The following MAP2K5 variants were observed in gnomAD, a reference collection of about 807,000 sequenced individuals.
The protein encoded by MAP2K5 is mitogen-activated protein kinase kinase 5.
In MAP2K5, 49 loss-of-function variants were observed where a neutral mutation model predicts 83.1. That is an observed-to-expected ratio of 0.59 (90% CI 0.47 to 0.75). The LOEUF (loss-of-function observed/expected upper bound fraction) is 0.75. Ranked by LOEUF, MAP2K5 falls within the 30% of genes least tolerant of loss-of-function variation. The pLI, the probability that MAP2K5 is intolerant of heterozygous loss-of-function variation, is 0.00. For missense variants in MAP2K5, 457 were observed against 557.5 expected, an observed-to-expected ratio of 0.82 and a Z score of 1.82; for synonymous variants, 202 against 191.8, an observed-to-expected ratio of 1.05 and a Z score of -0.44.
At chr15:67,656,631 C>T (rs2087087022) in intron 11 of MAP2K5, among the ~76,000 whole-genome samples, 1 of 151,986 alleles carries the variant, frequency 6.6e-6, no homozygotes, top group African/African-American at 2.4e-5. Flanking sequence ...GCCTGGCCAC[C>T]TTTTAAATCT....
At chr15:67,549,082 C>T (rs2084456207) in intron 1 of MAP2K5, 11 of 1,529,624 alleles carry the variant, frequency 7.2e-6, no homozygotes, top group African/African-American at 2.7e-5. Flanking sequence ...CTTTGTCAGC[C>T]GGCTGCCTGG....
chr15:67,546,437 G>C (rs188590136), intron 1 of MAP2K5: 18 of 205,824 alleles, frequency 8.7e-5, no homozygotes, highest in Non-Finnish European at 3.4e-5. Flanking sequence ...TGAGTGTCTC[G>C]GACCTGAAGT....
intron 13 of MAP2K5, among the ~76,000 whole-genome samples, chr15:67,687,754 A>G (rs904936277): frequency 4.6e-5 from 7 of 152,128 alleles, no homozygotes; most frequent in African/African-American, 1.4e-4. Context: ...TCACCTGTTT[A>G]GTAGAGACAC....
At chr15:67,751,799 C>G (rs1473258141) in intron 19 of MAP2K5, among the ~76,000 whole-genome samples, 1 of 152,088 alleles carries the variant, frequency 6.6e-6, no homozygotes, top group Non-Finnish European at 1.5e-5. Flanking sequence ...GTGGGGTTTA[C>G]CTTATTCTTT....
At chr15:67,660,835 C>A (rs938750929) in intron 12 of MAP2K5, among the ~76,000 whole-genome samples, 1 of 148,852 alleles carries the variant, frequency 6.7e-6, no homozygotes, top group East Asian at 2.0e-4. Flanking sequence ...GACACCAGAC[C>A]TCTTGCTTTC....
At chr15:67,554,634 A>G (rs2084587478) in intron 2 of MAP2K5, among the ~76,000 whole-genome samples, 1 of 152,176 alleles carries the variant, frequency 6.6e-6, no homozygotes, top group Non-Finnish European at 1.5e-5. Context: ...CTGCACCTTT[A>G]CTAGAGCAGG....
At chr15:67,611,086 T>G (rs1224176198) in intron 8 of MAP2K5, among the ~76,000 whole-genome samples, 1 of 152,230 alleles carries the variant, frequency 6.6e-6, no homozygotes, top group Non-Finnish European at 1.5e-5. Context: ...ACATACTGAT[T>G]CTATTACGAC....
At chr15:67,761,323 C>T (rs2089945122) in intron 19 of MAP2K5, among the ~76,000 whole-genome samples, 1 of 152,176 alleles carries the variant, frequency 6.6e-6, no homozygotes, top group Non-Finnish European at 1.5e-5. Context: ...TCTCCTTAAA[C>T]CAGCTTTAAA....
intron 16 of MAP2K5, among the ~76,000 whole-genome samples, chr15:67,707,134 C>T (rs2088574388): frequency 1.3e-5 from 2 of 152,164 alleles, no homozygotes; most frequent in Admixed American, 1.3e-4. Context: ...CCAGGATGGC[C>T]TCGATCTCCT....
chr15:67,647,877 T>A (rs529472662), intron 11 of MAP2K5, among the ~76,000 whole-genome samples: 3 of 149,984 alleles, frequency 2.0e-5, no homozygotes, highest in East Asian at 4.0e-4. Context: ...TTAAAAAAAA[T>A]AAAAAAAGGA....
intron 19 of MAP2K5, among the ~76,000 whole-genome samples, chr15:67,751,328 C>T (rs2089713676): frequency 6.6e-6 from 1 of 152,046 alleles, no homozygotes; most frequent in South Asian, 2.1e-4. Flanking sequence ...TGGTGGGTGG[C>T]ATTTCTCTGA....
rs959929255 is a variant in MAP2K5 at position 67,668,543 on chromosome 15, T to G, written c.847+3898T>G. Among the ~76,000 whole-genome samples the G allele has an allele frequency of 6.6e-6, 1 of 152,106 alleles. No homozygotes were observed. Among genetic ancestry groups the G allele is most frequent in the Admixed American group, 6.6e-5 (1 of 15,248 alleles). On this transcript the variant is annotated intron_variant, in intron 13 of 21. Coordinates refer to ENST00000178640, the MANE Select transcript of MAP2K5 (RefSeq NM_145160.3). The surrounding 1 kb of genome is among the most constrained non-coding windows in gnomAD (Gnocchi z 4.0). ...TTACAGGAAACATCGCAGCTTCACTTCAAAACATACATCGCCACTAATGAG... is the reference window on the plus strand; with the variant it reads ...TTACAGGAAACATCGCAGCTTCACTGCAAAACATACATCGCCACTAATGAG...
intron 21 of MAP2K5, among the ~76,000 whole-genome samples, chr15:67,795,161 T>C (rs1789585497): frequency 6.6e-6 from 1 of 152,218 alleles, no homozygotes. Context: ...TTTGTGGTTA[T>C]GTATCTTTTT....
intron 13 of MAP2K5, among the ~76,000 whole-genome samples, chr15:67,687,539 T>C (rs1414365147): frequency 6.6e-6 from 1 of 152,200 alleles, no homozygotes; most frequent in Admixed American, 6.5e-5. Context: ...CTCATGTTTC[T>C]CTCCACAGCA....
chr15:67,789,252 C>G (rs1228075676), intron 21 of MAP2K5, among the ~76,000 whole-genome samples: 2 of 152,096 alleles, frequency 1.3e-5, no homozygotes, highest in African/African-American at 4.8e-5. Context: ...ATCCAGGACC[C>G]TGTCATAGGA....
chr15:67,580,605 TTTTG>T, intron 3 of MAP2K5, 145 bp from the exon 4 acceptor site: 1 of 615,766 alleles, frequency 1.6e-6, no homozygotes, highest in Non-Finnish European at 2.9e-6. Flanking sequence ...ACTATAGTCA[TTTTG>T]ATGTGCCAGT....
intron 8 of MAP2K5, among the ~76,000 whole-genome samples, chr15:67,609,342 A>G (rs956888583): frequency 6.6e-6 from 1 of 151,974 alleles, no homozygotes; most frequent in African/African-American, 2.4e-5. Context: ...TGGGGCAAAC[A>G]ATAATCAAGA....
chr15:67,650,888 G>C (rs1170077423), intron 11 of MAP2K5, among the ~76,000 whole-genome samples: 1 of 152,158 alleles, frequency 6.6e-6, no homozygotes, highest in Non-Finnish European at 1.5e-5. Context: ...TTTTGAAAGA[G>C]TTTATGAAGG....
intron 9 of MAP2K5, among the ~76,000 whole-genome samples, chr15:67,631,453 C>T (rs893372301): frequency 6.6e-6 from 1 of 152,110 alleles, no homozygotes; most frequent in Non-Finnish European, 1.5e-5. Context: ...TTTACTCTGC[C>T]ACAGATTTGA....
Sources: allele counts gnomAD v4.1 joint callset (sites outside exome capture counted in the v4.1 genomes callset), GRCh38; gene constraint gnomAD v4.1.1; non-coding constraint Gnocchi (gnomAD v3.1); transcripts MANE v1.5; gene names NCBI Gene and HGNC (gene_info 2026-07-23, HGNC 2026-07-21).